The following ANO4 variants were observed in gnomAD, a reference collection of about 807,000 sequenced individuals.
ANO4 encodes the protein anoctamin-4.
Under a neutral mutation model 141.9 loss-of-function variants are expected in ANO4, and 69 were observed. The ratio of observed to expected loss-of-function variants is 0.49; its 90% CI spans 0.40 to 0.59. The LOEUF (loss-of-function observed/expected upper bound fraction) is 0.59, where lower values mean the gene tolerates loss of function less well. ANO4 is among the 20% of genes least tolerant of loss of function. The pLI, the probability that ANO4 is intolerant of heterozygous loss-of-function variation, is 0.00. For missense variants in ANO4, 894 were observed against 1,162.2 expected (o/e 0.77, Z 3.36); for synonymous variants, 350 against 394.3 (o/e 0.89, Z 1.33).
chr12:100,882,670 A>T (rs2039625438), intron 1 of ANO4, among the ~76,000 whole-genome samples: 2 of 143,536 alleles, frequency 1.4e-5, no homozygotes, highest in Admixed American at 1.4e-4. Context: ...GTCTTCTGGA[A>T]CTCTGTTTTT....
At chr12:100,973,402 T>C (rs889899435) in intron 6 of ANO4, among the ~76,000 whole-genome samples, 1 of 152,250 alleles carries the variant, frequency 6.6e-6, no homozygotes, top group Non-Finnish European at 1.5e-5. Context: ...TAATTTTCTG[T>C]ACTTCTGAAT....
At position 101,037,107 on chromosome 12, in the gene ANO4, T is replaced by G. The variant is rs372045550; in HGVS notation, c.854T>G (p.Leu285Trp). 6.2e-7 allele frequency: 1 copy of G among 1,613,952 alleles called. No homozygotes were observed. The highest frequency in any genetic ancestry group is 1.3e-5 in the African/African-American group (1 of 74,946). ...EGKNKIGLNR[L>W]LTNGSYEAAF... Reference sequence around the variant, plus strand: ...TTTGCTGTTTTAGGTCTGAATCGTTTGCTTACCAATGGCTCCTATGAAGCT... The same window carrying G: ...TTTGCTGTTTTAGGTCTGAATCGTTGGCTTACCAATGGCTCCTATGAAGCT... The change falls in exon 10 of 28, where the codon TTG (leucine) becomes TGG (tryptophan). Residue 285 changes from leucine to tryptophan, a missense_variant. Around this residue, in one of 2 missense-constraint regions of ANO4, gnomAD observed 637 missense variants for 909.2 expected, o/e 0.70. Transcript: ENST00000392977.
At chr12:100,997,199 TTG>T (rs1310140767) in intron 8 of ANO4, among the ~76,000 whole-genome samples, 1 of 151,832 alleles carries the variant, frequency 6.6e-6, no homozygotes. Flanking sequence ...CTAGGCGTGG[TTG>T]CGCGTGCCTT....
intron 1 of ANO4, among the ~76,000 whole-genome samples, chr12:100,724,972 T>C (rs1209468753): frequency 6.6e-6 from 1 of 152,208 alleles, no homozygotes. Flanking sequence ...GATTGCTTTT[T>C]AAAAAATCAG....
chr12:100,852,947 G>T lies in ANO4; in HGVS notation c.-140-48699G>T, dbSNP rs79101209. Among the ~76,000 whole-genome samples, 10 of 152,164 alleles carry T rather than the reference G, an allele frequency of 6.6e-5. No homozygotes were observed. The East Asian group carries it at 1.7e-3, about 26-fold the overall frequency. On this transcript the variant is annotated intron_variant, in intron 1 of 27. Transcript: ENST00000392977. ...AGGTAAAATGGGAATGTTTTATGGC[G>T]CCAGAGGTATAACCTTCCTGGGAAC...
At chr12:100,974,087 G>T (rs1360688354) in intron 6 of ANO4, among the ~76,000 whole-genome samples, 3 of 152,142 alleles carry the variant, frequency 2.0e-5, no homozygotes, top group Admixed American at 6.5e-5. Context: ...AAGTGAGGTT[G>T]CATTTTAATA....
intron 1 of ANO4, among the ~76,000 whole-genome samples, chr12:100,833,704 G>T (rs1016809457): frequency 1.3e-5 from 2 of 152,004 alleles, no homozygotes; most frequent in Non-Finnish European, 2.9e-5. Flanking sequence ...AAGGTGTCTA[G>T]CAGAGTGTCT....
chr12:101,068,906 G>A (rs959322543), intron 14 of ANO4: 16 of 825,568 alleles, frequency 1.9e-5, no homozygotes, highest in Middle Eastern at 3.5e-4. Context: ...GAGCTCCTCC[G>A]ATACTACATG....
intron 25 of ANO4, among the ~76,000 whole-genome samples, chr12:101,120,183 C>T (rs2051027176): frequency 6.6e-6 from 1 of 152,150 alleles, no homozygotes; most frequent in South Asian, 2.1e-4. Flanking sequence ...CACCAGGAGT[C>T]CCAGGCTTTT....
At chr12:101,067,011 AAAAAAAG>A in intron 14 of ANO4, 3 of 587,264 alleles carry the variant, frequency 5.1e-6, no homozygotes, top group African/African-American at 1.9e-5. Flanking sequence ...AAAAAAAAAA[AAAAAAAG>A]AAAGAACAGA....
At chr12:100,918,475 T>C (rs368613672) in intron 2 of ANO4, among the ~76,000 whole-genome samples, 15 of 152,322 alleles carry the variant, frequency 9.8e-5, no homozygotes, top group African/African-American at 3.1e-4. Flanking sequence ...TATAAATGGG[T>C]ATGTTTTTTA....
At position 100,942,603 on chromosome 12, in the gene ANO4, TAAGC is replaced by T. The variant is rs2042565452; in HGVS notation, c.456+74_456+77del. The stretch of plus-strand genomic sequence containing the variant: ...ATTCATATGAAGAGGCAATAAGAAA[TAAGC>T]AAGCAGTCTTAATGTTAACCAAACA... On this transcript the variant is annotated intron_variant, in intron 5 of 27. Coordinates refer to ENST00000392977, the MANE Select transcript of ANO4 (RefSeq NM_001286615.2). The T allele has an allele frequency of 2.7e-6, 4 of 1,499,992 alleles. No homozygotes were observed. In the Admixed American group the frequency reaches 6.1e-5, roughly 23 times the overall value. 92.9% of individuals were successfully genotyped at this position (1,499,992 alleles called of 1,614,324 possible).
At chr12:100,970,015 G>A (rs1258813602) in intron 5 of ANO4, among the ~76,000 whole-genome samples, 1 of 152,092 alleles carries the variant, frequency 6.6e-6, no homozygotes, top group African/African-American at 2.4e-5. Context: ...TGGTTACTGG[G>A]GTGTGAAGTC....
chr12:100,878,606 A>G lies in ANO4; in HGVS notation c.-140-23040A>G, dbSNP rs570763830. On this transcript the variant is annotated intron_variant, in intron 1 of 27. Transcript: ENST00000392977. ...GTTGAGTCTTCCTCTACCCATAAAA[A>G]TATACTGTATATAACTTTTTCCTGA... is the stretch of plus-strand genomic sequence containing the variant. Among the ~76,000 whole-genome samples the G allele has an allele frequency of 2.2e-4, 34 of 152,336 alleles. 1 individual carries two copies. In the South Asian group the frequency reaches 4.6e-3, roughly 20 times the overall value.
intron 5 of ANO4, among the ~76,000 whole-genome samples, chr12:100,952,878 A>G (rs867660251): frequency 6.6e-6 from 1 of 152,208 alleles, no homozygotes; most frequent in South Asian, 2.1e-4. Context: ...GACCTGTACA[A>G]AGTTATCTTG....
chr12:101,081,903 G>A (rs1210000107), intron 15 of ANO4, among the ~76,000 whole-genome samples: 1 of 152,158 alleles, frequency 6.6e-6, no homozygotes, highest in Non-Finnish European at 1.5e-5. Flanking sequence ...TCATATTGGA[G>A]TAGGGTCCAC....
At chr12:100,810,705 T>A (rs2035368882) in intron 1 of ANO4, among the ~76,000 whole-genome samples, 1 of 152,014 alleles carries the variant, frequency 6.6e-6, no homozygotes, top group Non-Finnish European at 1.5e-5. Flanking sequence ...CAAGTGTAGA[T>A]TAGATAACTG....
At chr12:101,037,198 T>C (rs1294852405) in intron 10 of ANO4, 48 bp downstream of exon 10, 1 of 1,575,380 alleles carries the variant, frequency 6.3e-7, no homozygotes, top group Non-Finnish European at 8.7e-7. Flanking sequence ...CGTTTGTTAC[T>C]AAAGTCAGCT....
At position 100,936,075 on chromosome 12, in the gene ANO4, C is replaced by T. The variant is rs544953366; in HGVS notation, c.161-3240C>T. On this transcript the variant is annotated intron_variant, in intron 3 of 27. Coordinates refer to ENST00000392977, the MANE Select transcript of ANO4 (RefSeq NM_001286615.2). ...AGAGGCTGGCAAGTGATAAGGTTGG[C>T]TTAGTATCACCTATTGTCTAACAGA... is the stretch of plus-strand genomic sequence containing the variant. Among the ~76,000 whole-genome samples the T allele has an allele frequency of 3.6e-4, 55 of 152,266 alleles. 1 individual carries two copies. Among genetic ancestry groups the T allele is most frequent in the Non-Finnish European group, 7.3e-4 (50 of 68,028 alleles).
Sources: gnomAD v4.1 joint callset for allele counts (sites outside exome capture counted in the v4.1 genomes callset) on GRCh38, gnomAD v4.1.1 for gene constraint, gnomAD v4.1.1 regional missense constraint, MANE v1.5 for transcripts, NCBI Gene and HGNC (gene_info 2026-07-23, HGNC 2026-07-21) for gene names.